Variants in CSMD3 observed in about 807,000 individuals in gnomAD.
CSMD3 encodes CUB and Sushi multiple domains 3.
In CSMD3, 177 loss-of-function variants were observed where a neutral mutation model predicts 435.2. That is an observed-to-expected ratio of 0.41 (90% CI 0.36 to 0.46). CSMD3 has a LOEUF of 0.46. CSMD3 is among the 20% of genes least tolerant of loss of function. CSMD3 has a pLI of 0.34. For synonymous variants in CSMD3, 1,656 were observed against 1,520.5 expected (o/e 1.09, Z -2.07); for missense variants, 4,265 against 4,504.6 (o/e 0.95, Z 1.52).
rs753376260 is a variant in CSMD3 at position 112,493,778 on chromosome 8, G to A, written c.5084-1095C>T. ...TATGGCAAAGGTACTAGAACACTTT[G>A]TTGTTAACAGATCTGGATGAGGCCT... On this transcript the variant is annotated intron_variant, in intron 30 of 70. Transcript: ENST00000297405. Among the ~76,000 whole-genome samples, 42 of 152,100 alleles carry A rather than the reference G, an allele frequency of 2.8e-4. 1 individual carries two copies. The highest frequency in any genetic ancestry group is 7.4e-5 in the Non-Finnish European group (5 of 67,974).
intron 10 of CSMD3, among the ~76,000 whole-genome samples, chr8:112,910,303 C>T (rs2082372090): frequency 6.6e-6 from 1 of 151,578 alleles, no homozygotes; most frequent in African/African-American, 2.4e-5. Context: ...TGGTGACTTC[C>T]CTGACCTCCC....
intron 32 of CSMD3, among the ~76,000 whole-genome samples, chr8:112,470,657 C>G (rs1356369201): frequency 1.3e-5 from 2 of 151,858 alleles, no homozygotes; most frequent in Non-Finnish European, 2.9e-5. Context: ...ATATATATCT[C>G]ATTTACTGCT....
chr8:112,551,900 A>G (rs1827719430), intron 26 of CSMD3, among the ~76,000 whole-genome samples: 1 of 152,086 alleles, frequency 6.6e-6, no homozygotes, highest in African/African-American at 2.4e-5. Flanking sequence ...CTCATATGTC[A>G]AGGATGATTC....
At chr8:113,305,245 T>C (rs1449410811) in intron 2 of CSMD3, among the ~76,000 whole-genome samples, 1 of 152,114 alleles carries the variant, frequency 6.6e-6, no homozygotes, top group Non-Finnish European at 1.5e-5. Flanking sequence ...GGCACATGTA[T>C]ACATATGTAA....
At position 112,241,738 on chromosome 8, in the gene CSMD3, G is replaced by A. The variant is rs1353897262; in HGVS notation, c.10450C>T (p.Pro3484Ser). 4 of 1,612,092 alleles carry A rather than the reference G, an allele frequency of 2.5e-6. No homozygotes were observed. The highest frequency in any genetic ancestry group is 2.2e-5 in the East Asian group (1 of 44,862). Residue 3484 changes from proline (P) to serine (S), a missense_variant, in exon 66 of 71, where the codon CCC becomes TCC. This residue lies in a region of CSMD3 where 3,255 missense variants were observed against 3,380.2 expected (regional missense o/e 0.96). Transcript: ENST00000297405. ...TACTAACCACTTAGCTTTGGGCTGG[G>A]TGTTCCCAGTGCAGGTCTAGGATCT... ...VKDPRPALGT[P>S]SPKLSVPDDV...
Position 112,682,625 on chromosome 8 carries a change from T to C in CSMD3, c.2494A>G (p.Asn832Asp), listed in dbSNP as rs1203728402. 28 of 1,610,118 alleles carry C rather than the reference T, an allele frequency of 1.7e-5. No homozygotes were observed. The highest frequency in any genetic ancestry group is 4.0e-5 in the African/African-American group (3 of 74,972). Residue 832 changes from asparagine to aspartate, a missense_variant, in exon 16 of 71, where the codon AAT becomes GAT. Coordinates refer to ENST00000297405, the MANE Select transcript of CSMD3 (RefSeq NM_198123.2). ...FNITYNTFGH[N>D]ECPDPGIPIN... ...GGTATTCCAGGATCAGGGCATTCAT[T>C]ATGTCCAAATGCTTTAGAATAATAT...
At chr8:113,333,426 T>C (rs542984886) in intron 1 of CSMD3, among the ~76,000 whole-genome samples, 1 of 151,862 alleles carries the variant, frequency 6.6e-6, no homozygotes, top group Non-Finnish European at 1.5e-5. Flanking sequence ...CACATTTAAG[T>C]TGTGATCTGT....
At chr8:112,713,357 AAAATAAAT>A (rs71309785) in intron 13 of CSMD3, among the ~76,000 whole-genome samples, 49 of 146,776 alleles carry the variant, frequency 3.3e-4, no homozygotes, top group East Asian at 8.0e-4. Context: ...ACAAGATTAG[AAAATAAAT>A]AAATAAATAA....
At chr8:112,356,559 G>A (rs116480298) in intron 38 of CSMD3, among the ~76,000 whole-genome samples, 8 of 151,688 alleles carry the variant, frequency 5.3e-5, no homozygotes, top group African/African-American at 1.9e-4. Flanking sequence ...GTACTGATTC[G>A]GTTTGGCTGT....
chr8:112,327,393 AC>A (rs921997221), intron 45 of CSMD3, among the ~76,000 whole-genome samples: 4 of 152,182 alleles, frequency 2.6e-5, no homozygotes, highest in Admixed American at 2.0e-4. Context: ...TAGGAAGATG[AC>A]CTAAATAAGT....
intron 3 of CSMD3, among the ~76,000 whole-genome samples, chr8:113,202,279 C>G (rs551901799): frequency 5.3e-5 from 8 of 152,220 alleles, no homozygotes; most frequent in African/African-American, 1.7e-4. Flanking sequence ...GCTTGGATCT[C>G]TCAAATTATA....
At chr8:112,600,597 C>T (rs2131414267) in intron 22 of CSMD3, among the ~76,000 whole-genome samples, 1 of 152,276 alleles carries the variant, frequency 6.6e-6, no homozygotes, top group South Asian at 2.1e-4. Context: ...GTCTTTTAGT[C>T]AAACGGTCAA....
chr8:113,088,893 A>C (rs1262524925), intron 5 of CSMD3, among the ~76,000 whole-genome samples: 1 of 152,166 alleles, frequency 6.6e-6, no homozygotes, highest in Non-Finnish European at 1.5e-5. Context: ...AGATGTATAC[A>C]AACAATTCCT....
chr8:113,335,447 T>G (rs538860779), intron 1 of CSMD3, among the ~76,000 whole-genome samples: 6 of 151,842 alleles, frequency 4.0e-5, no homozygotes, highest in Non-Finnish European at 8.8e-5. Flanking sequence ...TTCTCTATTA[T>G]TTTCTCTATT....
intron 1 of CSMD3, among the ~76,000 whole-genome samples, chr8:113,319,851 T>C (rs1472914156): frequency 2.0e-5 from 3 of 152,086 alleles, no homozygotes; most frequent in Admixed American, 6.6e-5. Flanking sequence ...TTCTTGCTCA[T>C]TGTTCTCATA....
intron 59 of CSMD3, among the ~76,000 whole-genome samples, chr8:112,275,276 G>A (rs750382709): frequency 1.1e-4 from 17 of 152,146 alleles, no homozygotes; most frequent in Non-Finnish European, 1.9e-4. Context: ...GGCTGGGCAC[G>A]GTGGCTCTCG....
At chr8:112,651,958 C>T (rs2075137682) in intron 18 of CSMD3, among the ~76,000 whole-genome samples, 1 of 152,118 alleles carries the variant, frequency 6.6e-6, no homozygotes. Flanking sequence ...CTTACCCTAT[C>T]CAAGGCCCTC....
At chr8:112,702,996 A>C (rs4876290) in intron 13 of CSMD3, among the ~76,000 whole-genome samples, 118,347 of 152,040 alleles carry the variant, frequency 0.78, 46,605 homozygotes, top group African/African-American at 0.88. Flanking sequence ...GGGTTTCTTA[A>C]TGATACAATA....
intron 3 of CSMD3, among the ~76,000 whole-genome samples, chr8:113,275,880 T>A (rs2093565555): frequency 6.6e-6 from 1 of 151,862 alleles, no homozygotes; most frequent in African/African-American, 2.4e-5. Flanking sequence ...GGCATAATAC[T>A]TGAGAAGATG....
Sources: gnomAD v4.1 joint callset for allele counts (sites outside exome capture counted in the v4.1 genomes callset) on GRCh38, gnomAD v4.1.1 for gene constraint, gnomAD v4.1.1 regional missense constraint, MANE v1.5 for transcripts, NCBI Gene and HGNC (gene_info 2026-07-23, HGNC 2026-07-21) for gene names.